The following SLC24A4 variants were observed in gnomAD, a reference collection of about 807,000 sequenced individuals.
SLC24A4 encodes the protein solute carrier family 24 member 4, also known as sodium/potassium/calcium exchanger 4.
A neutral mutation model predicts 79.0 loss-of-function variants in SLC24A4; 53 were observed. The observed-to-expected ratio is 0.67, with a 90% confidence interval of 0.54 to 0.84. The LOEUF is 0.84. Among genes scored for constraint, SLC24A4 ranks in the 40% least tolerant of loss-of-function variants. SLC24A4 has a pLI of 0.00. For missense variants in SLC24A4, 731 were observed against 822.0 expected, an observed-to-expected ratio of 0.89 and a Z score of 1.35; for synonymous variants, 323 against 323.8, an observed-to-expected ratio of 1.00 and a Z score of 0.03.
intron 2 of SLC24A4, among the ~76,000 whole-genome samples, chr14:92,368,203 A>G (rs866927445): frequency 2.6e-5 from 4 of 152,196 alleles, no homozygotes; most frequent in Non-Finnish European, 4.4e-5. Flanking sequence ...GACAGAAACA[A>G]TGGGCAATTC....
intron 2 of SLC24A4, among the ~76,000 whole-genome samples, chr14:92,350,496 A>T (rs1421414878): frequency 6.6e-6 from 1 of 152,196 alleles, no homozygotes; most frequent in Non-Finnish European, 1.5e-5. Flanking sequence ...ACCATTTGGG[A>T]TCAGGCCTTG....
chr14:92,427,308 G>A (rs767050544), intron 2 of SLC24A4, among the ~76,000 whole-genome samples: 20 of 152,252 alleles, frequency 1.3e-4, no homozygotes, highest in Non-Finnish European at 2.2e-4. Flanking sequence ...TGCCAGGTTT[G>A]TGCCAGGACC....
chr14:92,346,574 A>G (rs1242153001), intron 2 of SLC24A4, among the ~76,000 whole-genome samples: 1 of 152,234 alleles, frequency 6.6e-6, no homozygotes, highest in African/African-American at 2.4e-5. Context: ...CAAATTAAAA[A>G]GGCCTTATGT....
chr14:92,387,429 G>A (rs909002004), intron 2 of SLC24A4, among the ~76,000 whole-genome samples: 5 of 151,982 alleles, frequency 3.3e-5, no homozygotes, highest in Non-Finnish European at 5.9e-5. Flanking sequence ...TGCCCACCTC[G>A]GCCTCCCCAA....
chr14:92,423,214 G>A (rs768346272), intron 2 of SLC24A4, among the ~76,000 whole-genome samples: 14 of 151,946 alleles, frequency 9.2e-5, no homozygotes, highest in African/African-American at 2.2e-4. Flanking sequence ...GCACGATCTC[G>A]GCTCACTGCA....
At chr14:92,352,502 A>G (rs1451805129) in intron 2 of SLC24A4, among the ~76,000 whole-genome samples, 2 of 152,204 alleles carry the variant, frequency 1.3e-5, no homozygotes, top group Non-Finnish European at 2.9e-5. Flanking sequence ...AGGGTTGGAT[A>G]TGAGCTTCGA....
intron 2 of SLC24A4, among the ~76,000 whole-genome samples, chr14:92,348,191 T>A (rs1002259260): frequency 6.6e-6 from 1 of 152,304 alleles, no homozygotes; most frequent in South Asian, 2.1e-4. Flanking sequence ...CTTCCTTAAA[T>A]CTCATTTCCC....
chr14:92,438,279 T>C (rs886114033), intron 3 of SLC24A4, among the ~76,000 whole-genome samples: 1 of 152,210 alleles, frequency 6.6e-6, no homozygotes, highest in Admixed American at 6.5e-5. Context: ...CAGTTTGACT[T>C]CCATTTACCA....
At chr14:92,442,673 C>T (rs764586886) in intron 5 of SLC24A4, 40 bp from the exon 6 acceptor site, 18 of 1,428,532 alleles carry the variant, frequency 1.3e-5, no homozygotes, top group South Asian at 1.0e-4. Context: ...AGGCTGGGGA[C>T]GTGTGGCTGA....
chr14:92,453,547 G>A (rs1893273317), intron 10 of SLC24A4: 2 of 194,338 alleles, frequency 1.0e-5, no homozygotes, highest in African/African-American at 4.7e-5. Flanking sequence ...GCCCCCGTGT[G>A]TATTGTAGGT....
chr14:92,450,692 TG>T, intron 10 of SLC24A4: 1 of 152,440 alleles, frequency 6.6e-6, no homozygotes, highest in Non-Finnish European at 1.5e-5. Context: ...GGACAGAGGC[TG>T]GTTGCTGCCC....
In SLC24A4 at chr14:92,323,378, T is replaced by A. The variant is rs1305351760; in HGVS notation, c.-453T>A. The A allele has an allele frequency of 6.6e-6, 1 of 152,184 alleles. No homozygotes were observed. The highest frequency in any genetic ancestry group is 1.5e-5 in the Non-Finnish European group (1 of 68,012). 9.4% of individuals were successfully genotyped at this position (152,184 alleles called of 1,614,324 possible). A position where few individuals can be genotyped will look rare whatever the true frequency, so the allele number is the denominator to read the frequency against. ...GCAGCCGGGGCGGCCGCCGCCAAAC[T>A]TGGAGGAGGAGGATGCTGCGAGTGG... On this transcript the variant is annotated 5_prime_UTR_variant, in exon 1 of 17. It adds an upstream start codon to the 5' untranslated region. Transcript: ENST00000532405. The surrounding 1 kb of genome is among the most constrained non-coding windows in gnomAD (Gnocchi z 4.9).
Position 92,490,424 on chromosome 14 carries a change from C to T in SLC24A4, c.1538-1241C>T, listed in dbSNP as rs947648132. On this transcript the variant is annotated intron_variant, in intron 14 of 16. Transcript: ENST00000532405. This position sits in a 1 kb window ranked among gnomAD's most constrained non-coding sequence, Gnocchi z 4.3. ...GACAGCTGGACAGGAAGGGGAAGGA[C>T]GAGGACATGGGCCCCAGCCTCTGAT... Among the ~76,000 whole-genome samples the T allele has an allele frequency of 5.3e-5, 8 of 152,142 alleles. No individual in the cohort carries two copies. The highest frequency in any genetic ancestry group is 2.6e-4 in the Admixed American group (4 of 15,272).
intron 1 of SLC24A4, 43 bp from the exon 2 acceptor site, chr14:92,325,825 T>A: frequency 1.6e-6 from 2 of 1,265,908 alleles, no homozygotes; most frequent in Non-Finnish European, 2.3e-6. Context: ...AACGCAGCCA[T>A]CACACTGACC....
intron 12 of SLC24A4, among the ~76,000 whole-genome samples, chr14:92,464,190 T>C (rs1194604260): frequency 1.3e-5 from 2 of 152,222 alleles, no homozygotes; most frequent in African/African-American, 4.8e-5. Flanking sequence ...TGGTTAGCAG[T>C]AAACAGTCTC....
At chr14:92,351,228 A>G (rs936548886) in intron 2 of SLC24A4, among the ~76,000 whole-genome samples, 16 of 147,678 alleles carry the variant, frequency 1.1e-4, no homozygotes, top group Non-Finnish European at 2.1e-4. Context: ...TCACACACAC[A>G]CATACACGCA....
chr14:92,486,616 G>T (rs1369298636), intron 13 of SLC24A4, 50 bp from the exon 14 acceptor site: 5 of 1,171,748 alleles, frequency 4.3e-6, no homozygotes, highest in Non-Finnish European at 6.4e-6. Flanking sequence ...TATTTCTTTA[G>T]TCCACACACT....
Position 92,493,522 on chromosome 14 carries a change from G to T in SLC24A4, c.1763G>T (p.Gly588Val). Residue 588 changes from glycine to valine, a missense_variant, in exon 17 of 17, where the codon GGT (glycine) becomes GTT (valine). Gly to Val is a moderately radical substitution (Grantham distance 109). Coordinates refer to ENST00000532405, the MANE Select transcript of SLC24A4 (RefSeq NM_153646.4). The stretch of plus-strand genomic sequence containing the variant: ...AAGTGGCGACTGGACCGGAAGCTGG[G>T]TGTCTACGTGCTGGTTCTCTACGCC... ...LNKWRLDRKL[G>V]VYVLVLYAIF... The T allele has an allele frequency of 6.2e-7, 1 of 1,614,224 alleles. No individual in the cohort carries two copies.
chr14:92,407,578 C>G (rs903871151), intron 2 of SLC24A4, among the ~76,000 whole-genome samples: 2 of 152,112 alleles, frequency 1.3e-5, no homozygotes, highest in African/African-American at 4.8e-5. Flanking sequence ...CCTGAAGAAA[C>G]TTACAATCAT....
Sources: gnomAD v4.1 joint callset for allele counts (sites outside exome capture counted in the v4.1 genomes callset) on GRCh38, gnomAD v4.1.1 for gene constraint, Gnocchi (gnomAD v3.1) non-coding constraint, MANE v1.5 for transcripts, NCBI Gene and HGNC (gene_info 2026-07-23, HGNC 2026-07-21) for gene names.